The following SLMAP variants were observed in gnomAD, a reference collection of about 807,000 sequenced individuals.
SLMAP encodes sarcolemma associated protein.
A neutral mutation model predicts 128.8 loss-of-function variants in SLMAP; 44 were observed. That is an observed-to-expected ratio of 0.34 (90% CI 0.27 to 0.44). SLMAP has a LOEUF of 0.44. Among genes scored for constraint, SLMAP ranks in the 20% least tolerant of loss-of-function variants. The probability of loss-of-function intolerance (pLI) is 1.00; values close to 1 mark genes in which losing one functional copy is unlikely to be tolerated. For missense variants in SLMAP, 787 were observed against 985.3 expected (o/e 0.80, Z 2.69); for synonymous variants, 327 against 348.8 (o/e 0.94, Z 0.70).
At chr3:57,814,276 A>G (rs1000382850) in intron 2 of SLMAP, among the ~76,000 whole-genome samples, 2 of 151,990 alleles carry the variant, frequency 1.3e-5, no homozygotes, top group Admixed American at 6.6e-5. Context: ...CGCAGCTTCA[A>G]TCACCTGGGC....
At chr3:57,785,476 G>A (rs2083900529) in intron 2 of SLMAP, among the ~76,000 whole-genome samples, 1 of 152,170 alleles carries the variant, frequency 6.6e-6, no homozygotes, top group Admixed American at 6.5e-5. Flanking sequence ...TATAAAGTTT[G>A]TGCCCCGGGG....
chr3:57,757,665 TG>T lies in SLMAP; in HGVS notation c.16del (p.Ala6ProfsTer75). On this transcript the variant is annotated frameshift_variant, in exon 2 of 25. Coordinates refer to ENST00000671191, the MANE Select transcript of SLMAP (RefSeq NM_001377540.1). LOFTEE classifies it high-confidence loss of function. MPSA[L>X]AIFTCRPNSH... ...AGTCTATCCTCGATGCCGTCAGCCT[TG>T]GCCATCTTCACTTGCCGCCCGAACT... 6.2e-7 allele frequency: 1 copy of T among 1,614,134 alleles called. No individual in the cohort carries two copies. The highest frequency in any genetic ancestry group is 8.5e-7 in the Non-Finnish European group (1 of 1,180,022).
intron 6 of SLMAP, among the ~76,000 whole-genome samples, chr3:57,852,908 A>G (rs951423031): frequency 6.6e-6 from 1 of 152,236 alleles, no homozygotes; most frequent in Non-Finnish European, 1.5e-5. Flanking sequence ...TTTTCTGTAT[A>G]TGTTCTTATT....
intron 22 of SLMAP, among the ~76,000 whole-genome samples, chr3:57,920,361 C>G (rs1163135916): frequency 6.6e-6 from 1 of 152,056 alleles, no homozygotes; most frequent in Admixed American, 6.5e-5. Flanking sequence ...CATATTTTAC[C>G]TCCCTCTCTG....
chr3:57,856,751 T>A (rs1005420674), intron 6 of SLMAP, among the ~76,000 whole-genome samples: 2 of 152,344 alleles, frequency 1.3e-5, no homozygotes, highest in African/African-American at 4.8e-5. Context: ...TAAAGTCATA[T>A]AATACTATTA....
chr3:57,921,953 C>T (rs1376253721), intron 22 of SLMAP, among the ~76,000 whole-genome samples: 1 of 152,164 alleles, frequency 6.6e-6, no homozygotes, highest in Non-Finnish European at 1.5e-5. Context: ...GATCCGCCCA[C>T]CTTGGCCTCC....
chr3:57,784,303 G>GGCT (rs1207789003), intron 2 of SLMAP, among the ~76,000 whole-genome samples: 19 of 152,140 alleles, frequency 1.2e-4, no homozygotes, highest in Admixed American at 2.0e-4. Flanking sequence ...ATAGAGGTAG[G>GGCT]GCTGCCTGAG....
chr3:57,846,191 A>G (rs994102864), intron 4 of SLMAP, among the ~76,000 whole-genome samples: 3 of 152,104 alleles, frequency 2.0e-5, no homozygotes, highest in Admixed American at 6.6e-5. Flanking sequence ...TGATTAGGCA[A>G]TTTGCCTTTC....
At chr3:57,794,959 GTAATATGGTAACTCCGTGTT>G (rs2086377720) in intron 2 of SLMAP, among the ~76,000 whole-genome samples, 1 of 152,140 alleles carries the variant, frequency 6.6e-6, no homozygotes, top group Admixed American at 6.5e-5. Flanking sequence ...GAATTGTTAG[GTAATATGGTAACTCCGTGTT>G]TAACATCTTG....
chr3:57,760,494 G>A (rs1177903845), intron 2 of SLMAP, among the ~76,000 whole-genome samples: 2 of 152,118 alleles, frequency 1.3e-5, no homozygotes, highest in Non-Finnish European at 2.9e-5. Flanking sequence ...CAGATAGTAG[G>A]TTTTAATTGA....
intron 21 of SLMAP, among the ~76,000 whole-genome samples, chr3:57,916,024 CGCA>C (rs2096802368): frequency 6.6e-6 from 1 of 151,898 alleles, no homozygotes; most frequent in Non-Finnish European, 1.5e-5. Context: ...GGCATGGTGG[CGCA>C]TGCCTGTAAT....
chr3:57,847,073 A>G, intron 4 of SLMAP, 124 bp from the exon 5 acceptor site: 1 of 640,774 alleles, frequency 1.6e-6, no homozygotes, highest in East Asian at 2.6e-5. Context: ...AAAATAGTTC[A>G]CCTTTTTTTA....
intron 6 of SLMAP, among the ~76,000 whole-genome samples, chr3:57,854,829 G>A (rs1291698565): frequency 6.6e-6 from 1 of 152,138 alleles, no homozygotes; most frequent in African/African-American, 2.4e-5. Context: ...ATGTATACAT[G>A]TATATACTAT....
At chr3:57,849,170 T>G (rs1420183303) in intron 5 of SLMAP, among the ~76,000 whole-genome samples, 3 of 152,210 alleles carry the variant, frequency 2.0e-5, no homozygotes. Context: ...ATTACAGGCA[T>G]GAGCCACTGC....
intron 14 of SLMAP, among the ~76,000 whole-genome samples, chr3:57,883,712 A>G (rs1488888679): frequency 1.3e-5 from 2 of 152,158 alleles, no homozygotes; most frequent in Non-Finnish European, 2.9e-5. Flanking sequence ...AATGTGAAAC[A>G]TACAATTGAG....
intron 4 of SLMAP, among the ~76,000 whole-genome samples, chr3:57,844,405 A>ATTTTAAAAAT (rs1221770353): frequency 6.6e-6 from 1 of 151,984 alleles, no homozygotes; most frequent in East Asian, 1.9e-4. Flanking sequence ...ACAAAAAAAA[A>ATTTTAAAAAT]TTTTAAAAAT....
chr3:57,854,404 C>A (rs932775018), intron 6 of SLMAP, among the ~76,000 whole-genome samples: 4 of 151,986 alleles, frequency 2.6e-5, no homozygotes, highest in African/African-American at 9.7e-5. Context: ...TCAAGACCAG[C>A]CTGGCAAACA....
chr3:57,907,490 A>G (rs1470011888), intron 17 of SLMAP, among the ~76,000 whole-genome samples: 1 of 152,220 alleles, frequency 6.6e-6, no homozygotes, highest in Non-Finnish European at 1.5e-5. Flanking sequence ...TATCCAGTTA[A>G]GTTCCAAGTG....
intron 2 of SLMAP, among the ~76,000 whole-genome samples, chr3:57,790,681 G>A (rs190189543): frequency 2.0e-5 from 3 of 152,142 alleles, no homozygotes; most frequent in Admixed American, 2.0e-4. Context: ...AAACCATCGA[G>A]CAATTATTAA....
Sources: gnomAD v4.1 joint callset for allele counts (sites outside exome capture counted in the v4.1 genomes callset) on GRCh38, gnomAD v4.1.1 for gene constraint, MANE v1.5 for transcripts, NCBI Gene and HGNC (gene_info 2026-07-23, HGNC 2026-07-21) for gene names.